Variants in LRRC43 observed in about 807,000 individuals in gnomAD.
LRRC43 encodes the protein leucine-rich repeat-containing protein 43.
In LRRC43, 62 loss-of-function variants were observed where a neutral mutation model predicts 64.3. That is an observed-to-expected ratio of 0.96 (90% CI 0.79 to 1.19). The LOEUF (loss-of-function observed/expected upper bound fraction) is 1.19, where lower values mean the gene tolerates loss of function less well. Ranked by LOEUF, LRRC43 falls within the 50% of genes most tolerant of loss-of-function variation. The pLI is 0.00. For synonymous variants in LRRC43, 422 were observed against 382.3 expected (o/e 1.10, Z -1.21); for missense variants, 868 against 845.0 (o/e 1.03, Z -0.34).
chr12:122,182,940 A>C, upstream of LRRC43: 3 of 737,072 alleles, frequency 4.1e-6, no homozygotes, highest in South Asian at 6.2e-5. Flanking sequence ...TATGGCGCTT[A>C]CTGCCTGCGG....
chr12:122,202,812 C>T (rs1415457196), intron 11 of LRRC43, among the ~76,000 whole-genome samples: 1 of 152,162 alleles, frequency 6.6e-6, no homozygotes, highest in Non-Finnish European at 1.5e-5. Context: ...ATATCTGCAG[C>T]TGGGCTCGGT....
At chr12:122,172,168 ACTTAAGC>A in intron 1 of LRRC43, 1 of 442,430 alleles carries the variant, frequency 2.3e-6, no homozygotes, top group African/African-American at 2.0e-5. Context: ...AATAAGTAAG[ACTTAAGC>A]CTGCAGAAGA....
intron 1 of LRRC43, among the ~76,000 whole-genome samples, chr12:122,183,552 C>T (rs1264493956): frequency 6.6e-6 from 1 of 152,186 alleles, no homozygotes; most frequent in African/African-American, 2.4e-5. Context: ...CGTCAACACC[C>T]CAGATTTCTA....
rs774160589 is a variant in LRRC43 at position 122,193,002 on chromosome 12, A to G, written c.1347A>G (p.Pro449=). 1.6e-5 allele frequency: 26 copies of G among 1,613,282 alleles called. No individual in the cohort carries two copies. The highest frequency in any genetic ancestry group is 1.7e-4 in the Middle Eastern group (1 of 5,868). ...LRIDPRLCPS[P]GTVLFSTAHK... Reference sequence around the variant, plus strand: ...TAGATCCCCGGCTCTGCCCGTCCCCAGGGTAAGGATGGAAATCTGAACCAG... The same window carrying G: ...TAGATCCCCGGCTCTGCCCGTCCCCGGGGTAAGGATGGAAATCTGAACCAG... The change falls in exon 7 of 12, where the codon CCA becomes CCG. Residue 449 remains proline, a splice_region_variant and synonymous_variant. Coordinates refer to ENST00000339777, the MANE Select transcript of LRRC43 (RefSeq NM_001098519.2).
Position 122,176,000 on chromosome 12 carries a change from G to A in LRRC43, c.-406+8218G>A, listed in dbSNP as rs952720684. Among the ~76,000 whole-genome samples the A allele has an allele frequency of 5.3e-5, 8 of 152,160 alleles. No homozygotes were observed. The South Asian group carries it at 1.7e-3, about 32-fold the overall frequency. ...CATATTTTAGTGCCAGCTTTGATCA[G>A]GCCATTTTATAGGGTATCGGGAATA... is the stretch of plus-strand genomic sequence containing the variant. On this transcript the variant is annotated intron_variant, in intron 1 of 5. Coordinates refer to the LRRC43 transcript ENST00000537729.
At chr12:122,189,100 C>T (rs905745074) in intron 4 of LRRC43, among the ~76,000 whole-genome samples, 13 of 152,046 alleles carry the variant, frequency 8.6e-5, no homozygotes, top group South Asian at 2.1e-4. Context: ...AGTGGGTGAG[C>T]GGTAGAAAAC....
upstream of LRRC43, among the ~76,000 whole-genome samples, chr12:122,180,470 G>C (rs11059472): frequency 0.5 from 76,063 of 151,982 alleles, 19,394 homozygotes; most frequent in East Asian, 0.68. Context: ...AGTGAGCCAA[G>C]ATTGCGCCAC....
chr12:122,203,448 G>A lies in LRRC43; in HGVS notation c.*6G>A. 1.9e-6 allele frequency: 3 copies of A among 1,608,074 alleles called. No homozygotes were observed. Among genetic ancestry groups the A allele is most frequent in the Non-Finnish European group, 2.5e-6 (3 of 1,178,922 alleles). The stretch of plus-strand genomic sequence containing the variant: ...TGCGCATGTTCGCCGTGTAGGGCGT[G>A]GGCAGTAAAGGCTGTTCCCAGCACT... On this transcript the variant is annotated 3_prime_UTR_variant, in exon 12 of 12. Transcript: ENST00000339777.
In LRRC43 at chr12:122,175,813, C is replaced by T. The variant is rs576665611; in HGVS notation, c.-406+8031C>T. Among the ~76,000 whole-genome samples, 8 of 152,014 alleles carry T rather than the reference C, an allele frequency of 5.3e-5. No homozygotes were observed. In the South Asian group the frequency reaches 1.3e-3, roughly 24 times the overall value. ...TCCCGAGAAGCTGGGATTACAGGCA[C>T]CCACCACCACGCCGGGCTAATTTTT... On this transcript the variant is annotated intron_variant, in intron 1 of 5. Transcript: ENST00000537729.
intron 1 of LRRC43, among the ~76,000 whole-genome samples, chr12:122,175,024 G>A (rs772982014): frequency 6.6e-6 from 1 of 151,876 alleles, no homozygotes; most frequent in Non-Finnish European, 1.5e-5. Context: ...ATTTTTAGTA[G>A]AAATGGGGTT....
At chr12:122,190,900 T>C (rs1282997064) in intron 5 of LRRC43, among the ~76,000 whole-genome samples, 1 of 148,272 alleles carries the variant, frequency 6.7e-6, no homozygotes, top group Non-Finnish European at 1.5e-5. Flanking sequence ...GCCCAGGAGG[T>C]GGAGGCTGCA....
chr12:122,169,211 A>G (rs961659079), intron 1 of LRRC43, among the ~76,000 whole-genome samples: 9 of 152,278 alleles, frequency 5.9e-5, no homozygotes, highest in African/African-American at 2.2e-4. Flanking sequence ...TCCTGGAGGG[A>G]GGAATATCGA....
At chr12:122,171,568 C>T (rs1309306718) in intron 1 of LRRC43, among the ~76,000 whole-genome samples, 1 of 151,962 alleles carries the variant, frequency 6.6e-6, no homozygotes, top group African/African-American at 2.4e-5. Flanking sequence ...TGCTATGTTG[C>T]CCAGGCTGGT....
Position 122,184,800 on chromosome 12 carries a change from A to G in LRRC43, c.411+21A>G. ...AGAAGGTCAGTGCTGGGCACGTGGT[A>G]GGTGATGTTAGGGTGGCCGCTCCCC... is the stretch of plus-strand genomic sequence containing the variant. On this transcript the variant is annotated intron_variant, in intron 2 of 11. Coordinates refer to ENST00000339777, the MANE Select transcript of LRRC43 (RefSeq NM_001098519.2). The surrounding 1 kb of genome is among the most constrained non-coding windows in gnomAD (Gnocchi z 4.0). 1 of 1,577,688 alleles carries G rather than the reference A, an allele frequency of 6.3e-7. No individual in the cohort carries two copies. The highest frequency in any genetic ancestry group is 1.2e-5 in the South Asian group (1 of 86,490).
At chr12:122,201,643 T>G (rs893830796) in intron 11 of LRRC43, among the ~76,000 whole-genome samples, 11 of 152,188 alleles carry the variant, frequency 7.2e-5, no homozygotes, top group African/African-American at 2.2e-4. Context: ...CCATCGGCCC[T>G]TATTTGCTGT....
At chr12:122,177,794 G>A (rs1454600543) in intron 1 of LRRC43, among the ~76,000 whole-genome samples, 1 of 149,546 alleles carries the variant, frequency 6.7e-6, no homozygotes, top group Non-Finnish European at 1.5e-5. Flanking sequence ...GAGCCACTGC[G>A]CCTGGCCACC....
At chr12:122,193,296 T>G (rs189384754) in intron 7 of LRRC43, among the ~76,000 whole-genome samples, 6,296 of 146,384 alleles carry the variant, frequency 0.043, 203 homozygotes, top group Admixed American at 0.11. Context: ...CAGGAGAATG[T>G]CGTGAACCCA....
rs200955000 is a variant in LRRC43 at position 122,200,617 on chromosome 12, A to G, written c.1577A>G (p.Lys526Arg). The G allele has an allele frequency of 1.3e-4, 196 of 1,514,104 alleles. No homozygotes were observed. Among genetic ancestry groups the G allele is most frequent in the Non-Finnish European group, 1.6e-4 (176 of 1,092,400 alleles). The allele number at this position is 1,514,104 out of a possible 1,614,324, so 93.8% of individuals were successfully genotyped here. ...AAGGGGGAGAAAGACAAGAAAGGGA[A>G]GGAGAAAGACAGGACGGGGAAAGGA... ...KGKGEKDKKGKEKDRTGKGEK... is the reference protein window; with the variant it reads ...KGKGEKDKKGREKDRTGKGEK... Residue 526 changes from lysine to arginine, a missense_variant, in exon 9 of 12, where the codon AAG becomes AGG. Lys to Arg is a conservative substitution (Grantham distance 26). Transcript: ENST00000339777. The surrounding 1 kb of genome is among the most constrained non-coding windows in gnomAD (Gnocchi z 4.6).
chr12:122,192,337 C>A (rs1056113998), intron 6 of LRRC43, among the ~76,000 whole-genome samples: 1 of 151,872 alleles, frequency 6.6e-6, no homozygotes, highest in Non-Finnish European at 1.5e-5. Context: ...GGGGTTTCAC[C>A]ATGTTAGCCA....
Sources: gnomAD v4.1 joint callset for allele counts (sites outside exome capture counted in the v4.1 genomes callset) on GRCh38, gnomAD v4.1.1 for gene constraint, Gnocchi (gnomAD v3.1) non-coding constraint, MANE v1.5 for transcripts, NCBI Gene and HGNC (gene_info 2026-07-23, HGNC 2026-07-21) for gene names.